P2RY8: variants seen among roughly 807,000 people sequenced by gnomAD.
P2RY8 encodes P2Y receptor family member 8, also known as S-geranylgeranyl-glutathione receptor P2RY8.
In P2RY8, 6 loss-of-function variants were observed where a neutral mutation model predicts 10.0. That is an observed-to-expected ratio of 0.60 (90% confidence interval 0.33 to 1.19). The LOEUF (loss-of-function observed/expected upper bound fraction) is 1.19. P2RY8 is among the 50% of genes most tolerant of loss of function. P2RY8 has a pLI of 0.04. For synonymous variants in P2RY8, 276 were observed against 252.5 expected (o/e 1.09, Z -0.88); for missense variants, 456 against 542.0 (o/e 0.84, Z 1.58).
At chrX:1,502,749 A>G (rs1411570139) in intron 1 of P2RY8, among the ~76,000 whole-genome samples, 2 of 152,240 alleles carry the variant, frequency 1.3e-5, no homozygotes, top group African/African-American at 4.8e-5. Context: ...AAATGCAATG[A>G]CAGGTGTCCT....
At chrX:1,487,495 C>T (rs1166217964) in intron 1 of P2RY8, among the ~76,000 whole-genome samples, 3 of 152,058 alleles carry the variant, frequency 2.0e-5, no homozygotes, top group Non-Finnish European at 2.9e-5. Context: ...GTGCTTGGGA[C>T]CCAGACTGTA....
intron 1 of P2RY8, among the ~76,000 whole-genome samples, chrX:1,517,505 C>G (rs1298749619): frequency 1.3e-5 from 2 of 152,120 alleles, no homozygotes; most frequent in Non-Finnish European, 2.9e-5. Context: ...GTTCCACCCT[C>G]CAGAGTCTCA....
At chrX:1,471,297 C>T (rs1249831622) in intron 1 of P2RY8, among the ~76,000 whole-genome samples, 2 of 144,360 alleles carry the variant, frequency 1.4e-5, no homozygotes, top group South Asian at 2.3e-4. Context: ...CGTGAGCCAC[C>T]GCGCCCAGCC....
At chrX:1,497,875 C>A (rs1292348644) in intron 1 of P2RY8, among the ~76,000 whole-genome samples, 4 of 151,926 alleles carry the variant, frequency 2.6e-5, no homozygotes, top group Non-Finnish European at 4.4e-5. Flanking sequence ...CTAGCGGGTC[C>A]TTGCCATCCA....
At chrX:1,493,426 AGGAGGGAG>A (rs1569537381) in intron 1 of P2RY8, among the ~76,000 whole-genome samples, 1,678 of 44,596 alleles carry the variant, frequency 0.038, 158 homozygotes, top group African/African-American at 0.11. Flanking sequence ...AGGAGGAAGG[AGGAGGGAG>A]GGAAGGAGGA....
chrX:1,530,835 A>G (rs1248547267), intron 1 of P2RY8, among the ~76,000 whole-genome samples: 1 of 151,412 alleles, frequency 6.6e-6, no homozygotes, highest in African/African-American at 2.4e-5. Flanking sequence ...TATCATCACC[A>G]TTATCTATCT....
chrX:1,525,216 AT>A (rs1331310880), intron 1 of P2RY8, among the ~76,000 whole-genome samples: 1 of 152,252 alleles, frequency 6.6e-6, no homozygotes, highest in Non-Finnish European at 1.5e-5. Context: ...GTTGGATTGC[AT>A]CCCTTTGAAA....
chrX:1,487,520 G>A (rs1182688111), intron 1 of P2RY8, among the ~76,000 whole-genome samples: 1 of 152,116 alleles, frequency 6.6e-6, no homozygotes, highest in Non-Finnish European at 1.5e-5. Flanking sequence ...TTCTGGGCAT[G>A]TAGAAGATGC....
Position 1,501,907 on chromosome X carries a change from T to C in P2RY8, c.-25+35014A>G, listed in dbSNP as rs1197423511. 6.7e-5 allele frequency among the ~76,000 whole-genome samples: 10 copies of C among 148,436 alleles called. 1 individual carries two copies. Among genetic ancestry groups the C allele is most frequent in the East Asian group, 2.1e-4 (1 of 4,878 alleles). Reference sequence around the variant, plus strand: ...CACGCCCGGCGAGTTTTCATTTTTATTGATTATTATTATTATTTTTTGAGA... The same window carrying C: ...CACGCCCGGCGAGTTTTCATTTTTACTGATTATTATTATTATTTTTTGAGA... On this transcript the variant is annotated intron_variant, in intron 1 of 1. Coordinates refer to ENST00000381297, the MANE Select transcript of P2RY8 (RefSeq NM_178129.5).
intron 1 of P2RY8, among the ~76,000 whole-genome samples, chrX:1,486,113 G>A (rs1271142301): frequency 1.3e-5 from 2 of 152,202 alleles, no homozygotes; most frequent in Non-Finnish European, 1.5e-5. Flanking sequence ...AGCCACTTGG[G>A]AGGCTGAGGC....
intron 1 of P2RY8, among the ~76,000 whole-genome samples, chrX:1,512,078 G>T (rs1466794805): frequency 3.9e-5 from 6 of 152,066 alleles, no homozygotes; most frequent in African/African-American, 7.2e-5. Flanking sequence ...CTGGCGGGGG[G>T]GTCTCCTGTC....
intron 1 of P2RY8, 78 bp from the exon 2 acceptor site, chrX:1,466,660 C>A (rs1357032869): frequency 1.4e-6 from 2 of 1,396,496 alleles, no homozygotes; most frequent in East Asian, 2.3e-5. Context: ...TCCTGAGCGC[C>A]GCTCCCCGGG....
chrX:1,476,305 G>C (rs867979101), intron 1 of P2RY8, among the ~76,000 whole-genome samples: 1 of 152,040 alleles, frequency 6.6e-6, no homozygotes, highest in Non-Finnish European at 1.5e-5. Context: ...GGCTGGGCAC[G>C]GTGGCTCATG....
At chrX:1,466,746 C>T (rs1382953426) in intron 1 of P2RY8, among the ~76,000 whole-genome samples, 164 bp from the exon 2 acceptor site, 1 of 133,832 alleles carries the variant, frequency 7.5e-6, no homozygotes, top group Admixed American at 7.8e-5. Flanking sequence ...CTCCTTCCCT[C>T]TCCTCCTTCC....
rs767439319 is a variant in P2RY8, at chrX:1,481,545, G to A, written c.-24-14963C>T. On this transcript the variant is annotated intron_variant, in intron 1 of 1. Transcript: ENST00000381297. The stretch of plus-strand genomic sequence containing the variant: ...GGGATCCCAGCTTTGGGTTTAAGGA[G>A]CCCAGCTTTGGGTTTAGGAGAGTCC... Among the ~76,000 whole-genome samples, 3 of 147,458 alleles carry A rather than the reference G, an allele frequency of 2.0e-5. No homozygotes were observed. The South Asian group carries it at 6.3e-4, about 31-fold the overall frequency.
At chrX:1,481,724 A>C (rs1226733191) in intron 1 of P2RY8, among the ~76,000 whole-genome samples, 1 of 152,074 alleles carries the variant, frequency 6.6e-6, no homozygotes, top group African/African-American at 2.4e-5. Flanking sequence ...TGTTTCTGTG[A>C]TAACACCTGC....
intron 1 of P2RY8, among the ~76,000 whole-genome samples, chrX:1,472,717 T>C (rs1212715318): frequency 9.6e-5 from 1 of 10,430 alleles, no homozygotes. Flanking sequence ...TGTGGATGAA[T>C]GGTGGGTGGG....
intron 1 of P2RY8, among the ~76,000 whole-genome samples, chrX:1,498,944 C>T (rs1315639196): frequency 3.3e-5 from 5 of 151,660 alleles, no homozygotes; most frequent in Admixed American, 1.3e-4. Flanking sequence ...AAGCGATTCT[C>T]CTGCCTCAGC....
chrX:1,466,139 C>A lies in P2RY8; in HGVS notation c.420G>T (p.Ala140=), dbSNP rs764992148. 1.2e-6 allele frequency: 2 copies of A among 1,611,564 alleles called. No homozygotes were observed. The highest frequency in any genetic ancestry group is 2.7e-5 in the African/African-American group (2 of 74,898). Residue 140 remains alanine (A), a synonymous_variant, in exon 2 of 2, where the codon GCG becomes GCT. Transcript: ENST00000381297. ...GCCAGGTCCCTGCACACGCGGCCAC[C>A]GCGTAACGACGGCGGCGCCAGCGCT... ...SSKRWRRRRY[A]VAACAGTWLL... is the part of the protein sequence containing the mutation.
Sources: allele counts gnomAD v4.1 joint callset (sites outside exome capture counted in the v4.1 genomes callset), GRCh38; gene constraint gnomAD v4.1.1; transcripts MANE v1.5; gene names NCBI Gene and HGNC (gene_info 2026-07-23, HGNC 2026-07-21).